Variants in GALNT17 observed in about 807,000 individuals in gnomAD.
GALNT17 encodes the protein polypeptide N-acetylgalactosaminyltransferase 17.
A neutral mutation model predicts 63.7 loss-of-function variants in GALNT17; 29 were observed. The ratio of observed to expected loss-of-function variants is 0.46; its 90% CI spans 0.34 to 0.62. GALNT17 has a LOEUF of 0.62. Among genes scored for constraint, GALNT17 ranks in the 20% least tolerant of loss-of-function variants. GALNT17 has a pLI of 0.01. For missense variants in GALNT17, 603 were observed against 799.6 expected, an observed-to-expected ratio of 0.75 and a Z score of 2.97; for synonymous variants, 305 against 318.3, an observed-to-expected ratio of 0.96 and a Z score of 0.45.
At chr7:71,589,650 A>G (rs940222149) in intron 6 of GALNT17, among the ~76,000 whole-genome samples, 1 of 151,986 alleles carries the variant, frequency 6.6e-6, no homozygotes, top group Admixed American at 6.6e-5. Flanking sequence ...TAAACGCTTT[A>G]TAAACATTAC....
chr7:71,600,934 C>G (rs1041894215), intron 6 of GALNT17, among the ~76,000 whole-genome samples: 3 of 151,956 alleles, frequency 2.0e-5, no homozygotes, highest in Admixed American at 6.6e-5. Flanking sequence ...CCCCCCAAGT[C>G]CCCAAAGTCC....
intron 3 of GALNT17, among the ~76,000 whole-genome samples, chr7:71,394,759 T>C (rs1733454820): frequency 6.6e-6 from 1 of 152,096 alleles, no homozygotes; most frequent in Admixed American, 6.6e-5. Flanking sequence ...TTCTTTATTT[T>C]TCCTCACTTC....
chr7:71,262,906 C>T (rs544022905), intron 1 of GALNT17, among the ~76,000 whole-genome samples: 4 of 151,944 alleles, frequency 2.6e-5, no homozygotes, highest in South Asian at 2.1e-4. Flanking sequence ...GTCTCAAACT[C>T]GTAAGTTCAA....
chr7:71,241,060 C>T (rs1278513364), intron 1 of GALNT17, among the ~76,000 whole-genome samples: 1 of 152,130 alleles, frequency 6.6e-6, no homozygotes, highest in Non-Finnish European at 1.5e-5. Flanking sequence ...TCAGATAGTT[C>T]TGTTGCTCTG....
chr7:71,217,535 G>A (rs1789507328), intron 1 of GALNT17, among the ~76,000 whole-genome samples: 1 of 151,640 alleles, frequency 6.6e-6, no homozygotes, highest in Admixed American at 6.6e-5. Context: ...TATCATTCTG[G>A]TTTTCTTTTT....
At chr7:71,412,440 G>A (rs192094186) in intron 3 of GALNT17, among the ~76,000 whole-genome samples, 66 of 151,534 alleles carry the variant, frequency 4.4e-4, no homozygotes, top group African/African-American at 1.2e-3. Context: ...GAGCAATCTC[G>A]GCTCACTGCA....
intron 6 of GALNT17, among the ~76,000 whole-genome samples, chr7:71,616,287 C>G (rs1399955583): frequency 6.8e-6 from 1 of 147,514 alleles, no homozygotes; most frequent in Admixed American, 6.7e-5. Flanking sequence ...CAGATTCTTT[C>G]CCCCCCGTCC....
Position 71,712,160 on chromosome 7 carries a change from G to C in GALNT17, c.*14G>C. 2 of 1,608,374 alleles carry C rather than the reference G, an allele frequency of 1.2e-6. No individual in the cohort carries two copies. The highest frequency in any genetic ancestry group is 1.7e-6 in the Non-Finnish European group (2 of 1,176,854). Reference sequence around the variant, plus strand: ...TCCATCAAGTAGAGGGAGGGAGCTGGGGCACTGGAGCCTGGCCCCCAGGAC... The same window carrying C: ...TCCATCAAGTAGAGGGAGGGAGCTGCGGCACTGGAGCCTGGCCCCCAGGAC... On this transcript the variant is annotated 3_prime_UTR_variant, in exon 11 of 11. Transcript: ENST00000333538.
At chr7:71,694,577 G>A (rs1330632237) in intron 9 of GALNT17, among the ~76,000 whole-genome samples, 1 of 152,070 alleles carries the variant, frequency 6.6e-6, no homozygotes, top group Non-Finnish European at 1.5e-5. Flanking sequence ...CGTATTTTTA[G>A]TAGAGACGGG....
At chr7:71,684,544 AGGGCT>A (rs761331077) in intron 9 of GALNT17, among the ~76,000 whole-genome samples, 1 of 152,194 alleles carries the variant, frequency 6.6e-6, no homozygotes, top group Non-Finnish European at 1.5e-5. Flanking sequence ...ACTCTGGGTC[AGGGCT>A]GGGCTGTGTT....
rs567889231 is a variant in GALNT17, at chr7:71,491,157, G to A, written c.962+70052G>A. Among the ~76,000 whole-genome samples the A allele has an allele frequency of 2.6e-5, 4 of 152,166 alleles. No individual in the cohort carries two copies. In the East Asian group the frequency reaches 7.7e-4, roughly 29 times the overall value. On this transcript the variant is annotated intron_variant, in intron 5 of 10. Transcript: ENST00000333538. Reference sequence around the variant, plus strand: ...TGCAGTGAGCCGAGATTGTACCATTGCACTCCAGCCTGGGCAACAAGAGCG... The same window carrying A: ...TGCAGTGAGCCGAGATTGTACCATTACACTCCAGCCTGGGCAACAAGAGCG...
chr7:71,226,933 C>T (rs796541371), intron 1 of GALNT17, among the ~76,000 whole-genome samples: 29 of 152,198 alleles, frequency 1.9e-4, no homozygotes, highest in African/African-American at 6.0e-4. Context: ...TCCGTCCCCC[C>T]TCTATGTGCT....
intron 6 of GALNT17, among the ~76,000 whole-genome samples, chr7:71,640,030 G>A (rs951981153): frequency 1.3e-5 from 2 of 152,098 alleles, no homozygotes; most frequent in Non-Finnish European, 2.9e-5. Flanking sequence ...AAAAAACAAC[G>A]TTCATCTTAG....
At chr7:71,413,649 A>G (rs772985866) in intron 3 of GALNT17, among the ~76,000 whole-genome samples, 84 of 151,786 alleles carry the variant, frequency 5.5e-4, no homozygotes, top group Middle Eastern at 3.4e-3. Context: ...GCGCCTTCCT[A>G]TAATTTTTAA....
At chr7:71,502,888 A>T (rs1315477425) in intron 5 of GALNT17, among the ~76,000 whole-genome samples, 3 of 152,190 alleles carry the variant, frequency 2.0e-5, no homozygotes, top group African/African-American at 4.8e-5. Context: ...TCACCCCAGG[A>T]TATCAGTTTG....
At position 71,328,390 on chromosome 7, in the gene GALNT17, C is replaced by G. The variant is rs114221295; in HGVS notation, c.239-7160C>G. 5.6e-3 allele frequency among the ~76,000 whole-genome samples: 849 copies of G among 152,256 alleles called. 10 individuals are homozygous for G. The highest frequency in any genetic ancestry group is 0.019 in the African/African-American group (807 of 41,548). On this transcript the variant is annotated intron_variant, in intron 1 of 10. Coordinates refer to ENST00000333538, the MANE Select transcript of GALNT17 (RefSeq NM_022479.3). ...TTTCTCTCTTTGCTGCTGCTTCTCC[C>G]CCTTTGACTTTGTGACTACTCTGCC...
At chr7:71,677,329 G>A (rs756404220) in intron 9 of GALNT17, 23 bp downstream of exon 9, 1 of 1,608,400 alleles carries the variant, frequency 6.2e-7, no homozygotes, top group South Asian at 1.1e-5. Flanking sequence ...CTCTGACCAG[G>A]AAGGAAGTAA....
chr7:71,221,908 A>ATTTTTTTTT (rs370780821), intron 1 of GALNT17, among the ~76,000 whole-genome samples: 1 of 114,684 alleles, frequency 8.7e-6, no homozygotes, highest in South Asian at 3.6e-4. Context: ...CCTTATTTAG[A>ATTTTTTTTT]TTTTTTTTTT....
rs544607828 is a variant in GALNT17, at chr7:71,684,397, C to T, written c.1500+7091C>T. On this transcript the variant is annotated intron_variant, in intron 9 of 10. Transcript: ENST00000333538. ...CTGTGGCATCTTTCTCAGCCCTGAA[C>T]GCCCCCGATGGCTCTGCATCTGCTC... Among the ~76,000 whole-genome samples the T allele has an allele frequency of 3.1e-4, 47 of 152,294 alleles. No homozygotes were observed. In the South Asian group the frequency reaches 9.3e-3, roughly 30 times the overall value.
Sources: gnomAD v4.1 joint callset for allele counts (sites outside exome capture counted in the v4.1 genomes callset) on GRCh38, gnomAD v4.1.1 for gene constraint, MANE v1.5 for transcripts, NCBI Gene and HGNC (gene_info 2026-07-23, HGNC 2026-07-21) for gene names.